The following HIPK3 variants were observed in gnomAD, a reference collection of about 807,000 sequenced individuals.
HIPK3 encodes the protein homeodomain-interacting protein kinase 3.
A neutral mutation model predicts 124.2 loss-of-function variants in HIPK3; 47 were observed. That is an observed-to-expected ratio of 0.38 (90% confidence interval 0.30 to 0.48). The LOEUF is 0.48. Among genes scored for constraint, HIPK3 ranks in the 20% least tolerant of loss-of-function variants. HIPK3 has a pLI of 0.98. For missense variants in HIPK3, 1,286 were observed against 1,454.3 expected, an observed-to-expected ratio of 0.88 and a Z score of 1.88; for synonymous variants, 482 against 515.2, an observed-to-expected ratio of 0.94 and a Z score of 0.87.
Position 33,353,205 on chromosome 11 carries a change from AAGT to A in HIPK3, c.3286_3288del (p.Ser1096del). The A allele has an allele frequency of 1.9e-6, 3 of 1,613,976 alleles. No individual in the cohort carries two copies. The Middle Eastern group carries it at 5.0e-4, about 266-fold the overall frequency. ...GTAATCCATTCACTCTTTCTCATGG[AAGT>A]CCCAATCACACAGCAGTGCATGCCC... On this transcript the variant is annotated inframe_deletion, in exon 17 of 17. Transcript: ENST00000303296.
chr11:33,296,190 A>G (rs1050056054), intron 2 of HIPK3, among the ~76,000 whole-genome samples: 1 of 152,168 alleles, frequency 6.6e-6, no homozygotes, highest in African/African-American at 2.4e-5. Flanking sequence ...TGGTTCAGAG[A>G]GAGCATCTTT....
intron 2 of HIPK3, among the ~76,000 whole-genome samples, chr11:33,322,021 ACAGAGTCTTGCTCCGTCACC>A (rs1382745606): frequency 6.6e-6 from 1 of 152,040 alleles, no homozygotes; most frequent in Non-Finnish European, 1.5e-5. Flanking sequence ...TTTTTGAGAC[ACAGAGTCTTGCTCCGTCACC>A]CAGACTGGAG....
intron 2 of HIPK3, among the ~76,000 whole-genome samples, chr11:33,300,021 CAA>C (rs58435948): frequency 2.1e-5 from 2 of 95,154 alleles, no homozygotes; most frequent in African/African-American, 4.2e-5. Context: ...GACCCTGTCT[CAA>C]AAAAAAAAAA....
intron 1 of HIPK3, among the ~76,000 whole-genome samples, chr11:33,260,819 A>G (rs1590331923): frequency 6.6e-6 from 1 of 152,210 alleles, no homozygotes; most frequent in African/African-American, 2.4e-5. Context: ...AACTTGATTT[A>G]TTGTTGCCAA....
At chr11:33,284,113 A>G in intron 1 of HIPK3, among the ~76,000 whole-genome samples, 1 of 152,190 alleles carries the variant, frequency 6.6e-6, no homozygotes, top group South Asian at 2.1e-4. Context: ...TTACAGATTG[A>G]TGGTAATCTG....
At chr11:33,310,331 G>C (rs1350823590) in intron 2 of HIPK3, among the ~76,000 whole-genome samples, 5 of 87,124 alleles carry the variant, frequency 5.7e-5, no homozygotes, top group African/African-American at 1.2e-4. Flanking sequence ...TTCTATTGAG[G>C]GTCTTGCTGT....
intron 8 of HIPK3, among the ~76,000 whole-genome samples, chr11:33,345,442 T>C (rs1853464152): frequency 2.0e-5 from 3 of 152,116 alleles, no homozygotes; most frequent in Non-Finnish European, 4.4e-5. Context: ...TATACAAAAA[T>C]TAAGATCTTA....
At chr11:33,325,263 T>C (rs1852777073) in intron 2 of HIPK3, among the ~76,000 whole-genome samples, 1 of 152,218 alleles carries the variant, frequency 6.6e-6, no homozygotes, top group African/African-American at 2.4e-5. Context: ...TCTCTTTAAG[T>C]GGTATATCTT....
chr11:33,334,603 T>C (rs571947497), intron 3 of HIPK3, among the ~76,000 whole-genome samples: 3 of 152,096 alleles, frequency 2.0e-5, no homozygotes, highest in African/African-American at 7.2e-5. Context: ...AAAAATTGTC[T>C]TGGGCCACAC....
intron 1 of HIPK3, among the ~76,000 whole-genome samples, chr11:33,266,323 A>G (rs1463641055): frequency 6.6e-6 from 1 of 152,230 alleles, no homozygotes; most frequent in East Asian, 1.9e-4. Flanking sequence ...ATTAAAATGA[A>G]ATATTTAAAT....
At chr11:33,258,932 T>A (rs1041301182) in intron 1 of HIPK3, among the ~76,000 whole-genome samples, 6 of 152,158 alleles carry the variant, frequency 3.9e-5, no homozygotes. Context: ...AATTTCAGTT[T>A]ATCGTCCAGT....
chr11:33,347,821 A>G, intron 10 of HIPK3, 31 bp from the exon 11 acceptor site: 1 of 1,613,476 alleles, frequency 6.2e-7, no homozygotes, highest in Non-Finnish European at 8.5e-7. Flanking sequence ...AAAGATCTTG[A>G]TTAAAAACAT....
In HIPK3 at chr11:33,349,171, A is replaced by G. The variant is rs1256833692; in HGVS notation, c.2691A>G (p.Glu897=). The G allele has an allele frequency of 8.7e-6, 14 of 1,613,974 alleles. No individual in the cohort carries two copies. Among genetic ancestry groups the G allele is most frequent in the Non-Finnish European group, 1.2e-5 (14 of 1,179,884 alleles). Reference sequence around the variant, plus strand: ...GATGTAAAGGTAGTCTAGATTGTGAAGCTTGCCAGAGCACTTTGAATATTG... The same window carrying G: ...GATGTAAAGGTAGTCTAGATTGTGAGGCTTGCCAGAGCACTTTGAATATTG... The part of the protein sequence containing the change: ...LRECKGSLDC[E]ACQSTLNIDR... Residue 897 remains glutamate, a synonymous_variant, in exon 14 of 17, where the codon GAA becomes GAG. Coordinates refer to ENST00000303296, the MANE Select transcript of HIPK3 (RefSeq NM_005734.5).
chr11:33,271,966 A>AT (rs1261464609), intron 1 of HIPK3, among the ~76,000 whole-genome samples: 4 of 152,262 alleles, frequency 2.6e-5, no homozygotes, highest in African/African-American at 9.6e-5. Context: ...AGAAAAATAA[A>AT]TATGTAGCCT....
chr11:33,260,831 A>G (rs1454316418), intron 1 of HIPK3, among the ~76,000 whole-genome samples: 1 of 152,170 alleles, frequency 6.6e-6, no homozygotes, highest in Non-Finnish European at 1.5e-5. Context: ...TGTTGCCAAA[A>G]TAAATATTCG....
At chr11:33,350,560 G>T (rs1378661180) in intron 14 of HIPK3, among the ~76,000 whole-genome samples, 1 of 151,738 alleles carries the variant, frequency 6.6e-6, no homozygotes, top group East Asian at 1.9e-4. Flanking sequence ...TGTAGTGCTA[G>T]CTACTCAGGA....
intron 1 of HIPK3, chr11:33,258,324 C>G: frequency 1.0e-6 from 1 of 985,516 alleles, no homozygotes; most frequent in Non-Finnish European, 1.2e-6. Flanking sequence ...ACGGAGATCC[C>G]TTTCCTTTCA....
chr11:33,346,112 C>G (rs761071549), intron 8 of HIPK3, among the ~76,000 whole-genome samples: 2 of 152,086 alleles, frequency 1.3e-5, no homozygotes, highest in South Asian at 2.1e-4. Context: ...TCGGGGATGT[C>G]CCTAAAATCT....
At chr11:33,303,450 A>C (rs1215698625) in intron 2 of HIPK3, among the ~76,000 whole-genome samples, 1 of 152,356 alleles carries the variant, frequency 6.6e-6, no homozygotes, top group African/African-American at 2.4e-5. Flanking sequence ...GGTTAAAAGA[A>C]GACTTTAGTG....
Sources: gnomAD v4.1 joint callset for allele counts (sites outside exome capture counted in the v4.1 genomes callset) on GRCh38, gnomAD v4.1.1 for gene constraint, MANE v1.5 for transcripts, NCBI Gene and HGNC (gene_info 2026-07-23, HGNC 2026-07-21) for gene names.